The following RANBP9 variants were observed in gnomAD, a reference collection of about 807,000 sequenced individuals.
RANBP9 encodes ran-binding protein 9.
In RANBP9, 15 loss-of-function variants were observed where a neutral mutation model predicts 84.3. The observed-to-expected ratio is 0.18, with a 90% confidence interval of 0.12 to 0.27. RANBP9 has a LOEUF of 0.27. Among genes scored for constraint, RANBP9 ranks in the 10% least tolerant of loss-of-function variants. RANBP9 has a pLI of 1.00. For synonymous variants in RANBP9, 392 were observed against 349.6 expected (o/e 1.12, Z -1.35); for missense variants, 809 against 912.8 (o/e 0.89, Z 1.46).
chr6:13,648,140 G>GATTTTTTTT (rs1491513627), intron 5 of RANBP9, among the ~76,000 whole-genome samples: 1 of 122,868 alleles, frequency 8.1e-6, no homozygotes, highest in Non-Finnish European at 1.8e-5. Flanking sequence ...TTATATGACT[G>GATTTTTTTT]GTTTTTTTTT....
Position 13,711,732 on chromosome 6 carries a change from G to C in RANBP9, c.-227C>G, listed in dbSNP as rs1258269115. Among the ~76,000 whole-genome samples the C allele has an allele frequency of 6.7e-6, 1 of 148,508 alleles. No homozygotes were observed. Among genetic ancestry groups the C allele is most frequent in the Non-Finnish European group, 1.5e-5 (1 of 66,804 alleles). ...GGGAGAGAACGTTGGCCGGAGCGCG[G>C]GCGCGCGGCCCGGGGACGAGGCGCC... On this transcript the variant is annotated 5_prime_UTR_variant, in exon 1 of 14. Transcript: ENST00000011619.
Position 13,689,004 on chromosome 6 carries a change from A to AAAAG in RANBP9, c.683+7780_683+7781insCTTT, listed in dbSNP as rs374538732. 2.6e-4 allele frequency among the ~76,000 whole-genome samples: 28 copies of AAAAG among 108,988 alleles called. 2 individuals are homozygous for AAAAG. The highest frequency in any genetic ancestry group is 3.7e-4 in the Non-Finnish European group (20 of 54,048). The allele number at this position is 108,988 out of a possible 152,430, so 71.5% of individuals were successfully genotyped here. A position where few individuals can be genotyped will look rare whatever the true frequency, so the allele number is the denominator to read the frequency against. On this transcript the variant is annotated intron_variant, in intron 2 of 13. Coordinates refer to ENST00000011619, the MANE Select transcript of RANBP9 (RefSeq NM_005493.3). Reference sequence around the variant, plus strand: ...CCACAAAAAAAAAAAAAAAAAAAAAATGCTGGGCATGGTGACGCACACCCA... The same window carrying AAAAG: ...CCACAAAAAAAAAAAAAAAAAAAAAAAAAGTGCTGGGCATGGTGACGCACACCCA...
chr6:13,682,202 A>G (rs1179416847), intron 2 of RANBP9, among the ~76,000 whole-genome samples: 1 of 152,154 alleles, frequency 6.6e-6, no homozygotes, highest in African/African-American at 2.4e-5. Flanking sequence ...AACAATGTAA[A>G]TGTTTTATAT....
intron 1 of RANBP9, among the ~76,000 whole-genome samples, chr6:13,701,490 C>T (rs1757969434): frequency 6.6e-6 from 1 of 152,102 alleles, no homozygotes; most frequent in South Asian, 2.1e-4. Context: ...AACAGGAGGC[C>T]AGCTGGGTGC....
At chr6:13,660,942 T>C (rs1765526872) in intron 2 of RANBP9, among the ~76,000 whole-genome samples, 1 of 152,220 alleles carries the variant, frequency 6.6e-6, no homozygotes, top group African/African-American at 2.4e-5. Context: ...AGGCTGTGAA[T>C]GGGGATATAA....
intron 1 of RANBP9, among the ~76,000 whole-genome samples, chr6:13,698,867 C>G (rs369770336): frequency 4.3e-4 from 66 of 152,208 alleles, no homozygotes; most frequent in African/African-American, 1.6e-3. Flanking sequence ...GAAACCTGAT[C>G]TAGTGTGAGC....
intron 2 of RANBP9, among the ~76,000 whole-genome samples, chr6:13,675,560 G>T (rs183361080): frequency 1.2e-4 from 18 of 151,786 alleles, no homozygotes; most frequent in Admixed American, 1.1e-3. Flanking sequence ...TTAACTTTCC[G>T]CCTTAGGAAA....
intron 12 of RANBP9, among the ~76,000 whole-genome samples, chr6:13,628,320 C>T (rs1242377409): frequency 1.3e-5 from 2 of 152,156 alleles, no homozygotes; most frequent in African/African-American, 4.8e-5. Flanking sequence ...CTAGTCACTG[C>T]TTCAAGAAAA....
At chr6:13,654,230 G>A (rs1765354389) in intron 4 of RANBP9, among the ~76,000 whole-genome samples, 1 of 152,050 alleles carries the variant, frequency 6.6e-6, no homozygotes, top group South Asian at 2.1e-4. Flanking sequence ...ACGAAAAGAT[G>A]CCACTTTAAC....
intron 2 of RANBP9, among the ~76,000 whole-genome samples, chr6:13,692,221 T>C (rs1286547469): frequency 1.3e-5 from 2 of 151,942 alleles, no homozygotes; most frequent in Admixed American, 1.3e-4. Context: ...ACCAGAGAGA[T>C]AAATGAATGT....
At chr6:13,658,065 T>C (rs1765448555) in intron 3 of RANBP9, among the ~76,000 whole-genome samples, 1 of 152,184 alleles carries the variant, frequency 6.6e-6, no homozygotes, top group African/African-American at 2.4e-5. Flanking sequence ...TAAGTGGTAC[T>C]GGGAAACAGG....
intron 10 of RANBP9, among the ~76,000 whole-genome samples, chr6:13,634,769 A>T (rs778758831): frequency 6.6e-6 from 1 of 152,178 alleles, no homozygotes; most frequent in Non-Finnish European, 1.5e-5. Context: ...GGGAGGAAAA[A>T]AAGTACATAT....
intron 7 of RANBP9, 83 bp from the exon 8 acceptor site, chr6:13,641,390 G>A (rs1183614002): frequency 2.6e-6 from 2 of 769,682 alleles, no homozygotes; most frequent in Non-Finnish European, 4.2e-6. Context: ...AAGAAAGTTA[G>A]TAAGAAATCT....
intron 5 of RANBP9, among the ~76,000 whole-genome samples, chr6:13,645,424 C>A (rs1429399489): frequency 1.3e-5 from 2 of 152,042 alleles, no homozygotes; most frequent in Non-Finnish European, 2.9e-5. Context: ...CAAGGTTAAT[C>A]AAGATGAAAA....
At chr6:13,636,453 T>A (rs1483639821) in intron 10 of RANBP9, among the ~76,000 whole-genome samples, 1 of 152,220 alleles carries the variant, frequency 6.6e-6, no homozygotes, top group Non-Finnish European at 1.5e-5. Flanking sequence ...CATCAGACCC[T>A]TCCGTTAAGC....
At chr6:13,652,712 G>C (rs894845560) in intron 4 of RANBP9, 31 bp from the exon 5 acceptor site, 2 of 1,573,966 alleles carry the variant, frequency 1.3e-6, no homozygotes, top group African/African-American at 2.7e-5. Context: ...GGCATTAGAA[G>C]CTGTTTTTCA....
intron 1 of RANBP9, among the ~76,000 whole-genome samples, chr6:13,705,790 G>A (rs1345454953): frequency 1.3e-5 from 2 of 150,810 alleles, no homozygotes; most frequent in African/African-American, 4.9e-5. Flanking sequence ...CTGAACCCAG[G>A]AGGCGGAGCT....
intron 11 of RANBP9, 86 bp downstream of exon 11, chr6:13,634,345 C>T: frequency 1.4e-6 from 2 of 1,469,732 alleles, no homozygotes. Context: ...CTGGTTTATG[C>T]TCATCAGCTG....
chr6:13,652,259 T>A (rs1477264735), intron 5 of RANBP9, among the ~76,000 whole-genome samples: 1 of 152,222 alleles, frequency 6.6e-6, no homozygotes, highest in Non-Finnish European at 1.5e-5. Context: ...GGCAGAGACC[T>A]TTACTACCTG....
Sources: gnomAD v4.1 joint callset for allele counts (sites outside exome capture counted in the v4.1 genomes callset) on GRCh38, gnomAD v4.1.1 for gene constraint, MANE v1.5 for transcripts, NCBI Gene and HGNC (gene_info 2026-07-23, HGNC 2026-07-21) for gene names.